Variants in RSF1 observed in about 807,000 individuals in gnomAD.
RSF1 encodes the protein HBV pX-associated protein 8.
A neutral mutation model predicts 145.2 loss-of-function variants in RSF1; 13 were observed. The ratio of observed to expected loss-of-function variants is 0.09; its 90% CI spans 0.06 to 0.14. The LOEUF (loss-of-function observed/expected upper bound fraction) is 0.14. Ranked by LOEUF, RSF1 falls within the 10% of genes least tolerant of loss-of-function variation. RSF1 has a pLI of 1.00. For missense variants in RSF1, 1,517 were observed against 1,718.2 expected (o/e 0.88, Z 2.07); for synonymous variants, 577 against 592.6 (o/e 0.97, Z 0.38).
intron 1 of RSF1, among the ~76,000 whole-genome samples, chr11:77,799,139 G>A (rs1194189696): frequency 1.3e-5 from 2 of 151,842 alleles, no homozygotes; most frequent in Non-Finnish European, 2.9e-5. Context: ...ACAGAGGAAT[G>A]ATATCTAGAA....
At chr11:77,793,942 G>A (rs1948547202) in intron 1 of RSF1, among the ~76,000 whole-genome samples, 1 of 151,910 alleles carries the variant, frequency 6.6e-6, no homozygotes, top group Non-Finnish European at 1.5e-5. Flanking sequence ...AGATGATGAA[G>A]GTCATTATAC....
At chr11:77,771,644 G>C (rs967712457) in intron 1 of RSF1, among the ~76,000 whole-genome samples, 1 of 152,076 alleles carries the variant, frequency 6.6e-6, no homozygotes, top group Admixed American at 6.6e-5. Flanking sequence ...TAATCTAGGC[G>C]GCAGGAAGCA....
rs1960336745 is a variant in RSF1, at chr11:77,698,490, C to T, written c.2712G>A (p.Glu904=). ...CKKCGLPNHP[E]LILLCDSCDS... The stretch of plus-strand genomic sequence containing the variant: ...TTCATTTACATCAGGTACATACTAG[C>T]TCAGGATGGTTTGGAAGGCCACATT... Residue 904 remains glutamate, a synonymous_variant, in exon 7 of 16, where the codon GAG becomes GAA. Transcript: ENST00000308488. 1 of 1,613,666 alleles carries T rather than the reference C, an allele frequency of 6.2e-7. No individual in the cohort carries two copies. The highest frequency in any genetic ancestry group is 1.3e-5 in the African/African-American group (1 of 74,894).
chr11:77,813,725 A>C (rs1267585272), intron 1 of RSF1: 1 of 391,230 alleles, frequency 2.6e-6, no homozygotes, highest in Non-Finnish European at 5.0e-6. Context: ...GAGAGCGAAC[A>C]GTAGTGAGTA....
chr11:77,751,098 G>C (rs188860169), intron 2 of RSF1, among the ~76,000 whole-genome samples: 6 of 152,076 alleles, frequency 3.9e-5, no homozygotes, highest in African/African-American at 1.4e-4. Context: ...GGAAAATGTT[G>C]GGCAGAGGAA....
chr11:77,726,628 C>T (rs1207338767), intron 4 of RSF1, among the ~76,000 whole-genome samples: 1 of 152,106 alleles, frequency 6.6e-6, no homozygotes, highest in Non-Finnish European at 1.5e-5. Context: ...AGGCCCTGGA[C>T]TAAGAGTTGG....
At chr11:77,759,034 A>T (rs774692741) in intron 2 of RSF1, among the ~76,000 whole-genome samples, 1 of 152,200 alleles carries the variant, frequency 6.6e-6, no homozygotes, top group East Asian at 1.9e-4. Context: ...ATCCAAGGTC[A>T]TGAAGATTTC....
intron 5 of RSF1, among the ~76,000 whole-genome samples, chr11:77,704,439 C>T (rs146397549): frequency 7.9e-5 from 12 of 152,322 alleles, no homozygotes; most frequent in African/African-American, 2.9e-4. Context: ...CATCATGACC[C>T]TGATCCAACG....
intron 1 of RSF1, among the ~76,000 whole-genome samples, chr11:77,788,375 G>A (rs945618659): frequency 4.7e-5 from 7 of 150,130 alleles, no homozygotes; most frequent in South Asian, 2.1e-4. Flanking sequence ...AGAACCTAGA[G>A]GAAAAACTGA....
the RSF1 span, among the ~76,000 whole-genome samples, chr11:77,840,386 G>A: frequency 3.9e-5 from 6 of 151,938 alleles, no homozygotes; most frequent in East Asian, 1.9e-4. Context: ...AAAATTAGCC[G>A]GGCATGGTAG....
rs10688175 is a variant in RSF1, at chr11:77,813,820, GACACACACAC to G, written c.187+6698_187+6707del. On this transcript the variant is annotated intron_variant, in intron 1 of 15. Coordinates refer to ENST00000308488, the MANE Select transcript of RSF1 (RefSeq NM_016578.4). ...AGCGGCCATTTATAATTTGTAAAAGGACACACACACACACACACACACACACACACACACA... is the reference window on the plus strand; with the variant it reads ...AGCGGCCATTTATAATTTGTAAAAGGACACACACACACACACACACACACA... The G allele has an allele frequency of 2.8e-3, 481 of 169,266 alleles. 2 individuals carry two copies. Among genetic ancestry groups the G allele is most frequent in the African/African-American group, 7.1e-3 (284 of 39,736 alleles). 10.5% of individuals were successfully genotyped at this position (169,266 alleles called of 1,614,324 possible). A position where few individuals can be genotyped will look rare whatever the true frequency, so the allele number is the denominator to read the frequency against.
intron 4 of RSF1, among the ~76,000 whole-genome samples, chr11:77,733,773 G>C (rs1009955727): frequency 6.6e-6 from 1 of 152,092 alleles, no homozygotes; most frequent in African/African-American, 2.4e-5. Context: ...AGTTGCCTAG[G>C]CAGGTCTCCA....
At chr11:77,676,390 T>C (rs1004324112) in intron 13 of RSF1, among the ~76,000 whole-genome samples, 8 of 152,158 alleles carry the variant, frequency 5.3e-5, no homozygotes, top group Non-Finnish European at 1.0e-4. Context: ...TTTCTTGATC[T>C]TCTATACTGG....
At chr11:77,716,774 A>G (rs1284293275) in intron 5 of RSF1, among the ~76,000 whole-genome samples, 1 of 152,248 alleles carries the variant, frequency 6.6e-6, no homozygotes, top group African/African-American at 2.4e-5. Context: ...CACAAAAAAG[A>G]TAAGTCTGTG....
intron 1 of RSF1, among the ~76,000 whole-genome samples, chr11:77,764,951 G>A (rs1948210767): frequency 6.6e-6 from 1 of 151,940 alleles, no homozygotes; most frequent in Non-Finnish European, 1.5e-5. Context: ...CTAATATAAA[G>A]TATGAACTTT....
chr11:77,735,313 G>A (rs959215497), intron 4 of RSF1, among the ~76,000 whole-genome samples: 1 of 152,196 alleles, frequency 6.6e-6, no homozygotes, highest in African/African-American at 2.4e-5. Context: ...CTGTGGTGAT[G>A]TCATGGTATG....
At chr11:77,719,415 G>A (rs1960893581) in intron 5 of RSF1, among the ~76,000 whole-genome samples, 1 of 152,208 alleles carries the variant, frequency 6.6e-6, no homozygotes, top group Non-Finnish European at 1.5e-5. Context: ...ATAAGTCCAA[G>A]CACCTGAGAC....
chr11:77,762,027 C>CTTTTTTTTTTTTTTTTTTTTTTTTTTTTT (rs781501235), intron 2 of RSF1: 1 of 58,752 alleles, frequency 1.7e-5, no homozygotes, highest in African/African-American at 7.8e-5. Context: ...CTTTTCTTTT[C>CTTTTTTTTTTTTTTTTTTTTTTTTTTTTT]TTTTTTTTTT....
At chr11:77,815,664 G>A (rs1194661422) in intron 1 of RSF1, among the ~76,000 whole-genome samples, 2 of 152,066 alleles carry the variant, frequency 1.3e-5, no homozygotes, top group Non-Finnish European at 2.9e-5. Flanking sequence ...GTCTTTGAAT[G>A]ATGTCATTAG....
Sources: gnomAD v4.1 joint callset for allele counts (sites outside exome capture counted in the v4.1 genomes callset) on GRCh38, gnomAD v4.1.1 for gene constraint, MANE v1.5 for transcripts, NCBI Gene and HGNC (gene_info 2026-07-23, HGNC 2026-07-21) for gene names.